YEATS2: variants seen among roughly 807,000 people sequenced by gnomAD.
The protein encoded by YEATS2 is YEATS domain containing 2.
Under a neutral mutation model 163.2 loss-of-function variants are expected in YEATS2, and 77 were observed. That is an observed-to-expected ratio of 0.47 (90% CI 0.39 to 0.57). The LOEUF is 0.57. YEATS2 is among the 20% of genes least tolerant of loss of function. YEATS2 has a pLI of 0.00. For synonymous variants in YEATS2, 631 were observed against 645.1 expected (o/e 0.98, Z 0.33); for missense variants, 1,549 against 1,729.8 (o/e 0.90, Z 1.85).
At chr3:183,740,772 C>G (rs548101517) in intron 8 of YEATS2, among the ~76,000 whole-genome samples, 1 of 152,198 alleles carries the variant, frequency 6.6e-6, no homozygotes, top group South Asian at 2.1e-4. Context: ...CAGCTAAGAT[C>G]ATTGATGAAG....
chr3:183,753,475 G>A (rs1162712880), intron 10 of YEATS2, among the ~76,000 whole-genome samples: 3 of 152,110 alleles, frequency 2.0e-5, no homozygotes, highest in South Asian at 4.1e-4. Context: ...GGCCGGGCAC[G>A]GTGGCTCATG....
intron 8 of YEATS2, among the ~76,000 whole-genome samples, chr3:183,742,212 CAAAAAAT>C (rs374825021): frequency 8.0e-4 from 121 of 150,678 alleles, no homozygotes; most frequent in African/African-American, 2.7e-3. Context: ...AGCCCCATGT[CAAAAAAT>C]AAAAAATAAA....
intron 21 of YEATS2, among the ~76,000 whole-genome samples, chr3:183,795,980 G>GTTTT (rs11287278): frequency 1.2e-5 from 1 of 80,436 alleles, no homozygotes. Flanking sequence ...TTGATGCTGG[G>GTTTT]TTTTTTTTTT....
At chr3:183,731,640 T>TA (rs1484365817) in intron 7 of YEATS2, among the ~76,000 whole-genome samples, 2 of 152,238 alleles carry the variant, frequency 1.3e-5, no homozygotes, top group African/African-American at 4.8e-5. Context: ...AGATATATTA[T>TA]AACAGTGAGA....
chr3:183,769,797 A>AT (rs1722269906), intron 15 of YEATS2, among the ~76,000 whole-genome samples: 1 of 152,030 alleles, frequency 6.6e-6, no homozygotes, highest in South Asian at 2.1e-4. Context: ...GGTTCAAGCG[A>AT]TTCTGCTGCC....
At position 183,773,676 on chromosome 3, in the gene YEATS2, G is replaced by A; in HGVS notation, c.2250G>A (p.Leu750=). The A allele has an allele frequency of 6.2e-7, 1 of 1,611,178 alleles. No individual in the cohort carries two copies. Among genetic ancestry groups the A allele is most frequent in the Non-Finnish European group, 8.5e-7 (1 of 1,179,098 alleles). Residue 750 remains leucine (L), a synonymous_variant, in exon 17 of 31, where the codon TTG becomes TTA. Transcript: ENST00000305135. The part of the protein sequence containing the change: ...LQLPATNLAN[L]ANLPPGTKLY... The stretch of plus-strand genomic sequence containing the variant: ...TACCAGCCACTAATTTGGCCAACTT[G>A]GCAAATTTGCCTCCTGGCACTAAAC...
Position 183,801,519 on chromosome 3 carries a change from A to G in YEATS2, c.3493A>G (p.Thr1165Ala). The part of the protein sequence containing the change: ...TAVVKKIPLI[T>A]AKSEDASCFS... ...AGTAGTAAAGAAGATTCCATTAATC[A>G]CTGCAAAAAGTAAGACAATTACACT... Residue 1165 changes from threonine to alanine, a missense_variant, in exon 25 of 31, where the codon ACT becomes GCT. Thr to Ala is a moderately conservative substitution (Grantham distance 58). Coordinates refer to ENST00000305135, the MANE Select transcript of YEATS2 (RefSeq NM_018023.5). 3.1e-6 allele frequency: 5 copies of G among 1,609,388 alleles called. No individual in the cohort carries two copies. The highest frequency in any genetic ancestry group is 4.2e-6 in the Non-Finnish European group (5 of 1,177,536).
At chr3:183,698,659 A>T (rs1469618691) in intron 1 of YEATS2, among the ~76,000 whole-genome samples, 2 of 152,212 alleles carry the variant, frequency 1.3e-5, no homozygotes, top group African/African-American at 4.8e-5. Flanking sequence ...TACAGGCCTG[A>T]CACATCATTT....
intron 29 of YEATS2, chr3:183,808,323 C>G: frequency 3.6e-6 from 2 of 550,396 alleles, no homozygotes; most frequent in Non-Finnish European, 6.4e-6. Context: ...TCAGGTGCCT[C>G]CTAAGACGTA....
At chr3:183,757,392 G>A (rs950260797) in intron 12 of YEATS2, among the ~76,000 whole-genome samples, 7 of 152,142 alleles carry the variant, frequency 4.6e-5, no homozygotes, top group Admixed American at 2.0e-4. Context: ...CTGGGTTTAA[G>A]CAATTCTCCT....
intron 6 of YEATS2, among the ~76,000 whole-genome samples, chr3:183,724,966 C>T (rs556764680): frequency 6.6e-6 from 1 of 151,298 alleles, no homozygotes; most frequent in Non-Finnish European, 1.5e-5. Context: ...TGGTCTTGAA[C>T]TCCCGACCTC....
At position 183,803,320 on chromosome 3, in the gene YEATS2, A is replaced by T. The variant is rs747566890; in HGVS notation, c.3567A>T (p.Lys1189Asn). ...AGTACTATGGCTGGAACATTGGAAA[A>T]AGGAGAGCCGCTGAGGTAACCCACA... ...VEQYYGWNIG[K>N]RRAAEWQRAM... The change falls in exon 26 of 31, where the codon AAA becomes AAT. Residue 1189 changes from lysine (K) to asparagine (N), a missense_variant. Transcript: ENST00000305135. 1.9e-6 allele frequency: 3 copies of T among 1,611,160 alleles called. No individual in the cohort carries two copies. The highest frequency in any genetic ancestry group is 2.5e-6 in the Non-Finnish European group (3 of 1,179,586).
chr3:183,791,061 T>C lies in YEATS2; in HGVS notation c.3097+81T>C, dbSNP rs1037662406. ...TTTTGTTTGTTTGTTTGAGATAGCG[T>C]CTCACTCTGTCGCCCAAGCTAGAGT... On this transcript the variant is annotated intron_variant, in intron 21 of 30. Transcript: ENST00000305135. 6 of 1,534,240 alleles carry C rather than the reference T, an allele frequency of 3.9e-6. No individual in the cohort carries two copies. In the African/African-American group the frequency reaches 8.2e-5, roughly 21 times the overall value.
chr3:183,756,714 C>T, intron 12 of YEATS2, 25 bp downstream of exon 12: 2 of 1,431,874 alleles, frequency 1.4e-6, no homozygotes, highest in South Asian at 1.7e-5. Context: ...CATATTTGTA[C>T]CATCTAAAGG....
At chr3:183,702,253 T>C (rs1714174897) in intron 1 of YEATS2, among the ~76,000 whole-genome samples, 1 of 152,026 alleles carries the variant, frequency 6.6e-6, no homozygotes, top group Non-Finnish European at 1.5e-5. Flanking sequence ...GAGACCAGCC[T>C]GGCCAACATG....
intron 27 of YEATS2, among the ~76,000 whole-genome samples, chr3:183,805,787 C>CA (rs939279038): frequency 1.5e-4 from 23 of 148,726 alleles, no homozygotes; most frequent in African/African-American, 1.7e-4. Flanking sequence ...AAACCCTGTC[C>CA]AAAAAAAAAA....
intron 8 of YEATS2, among the ~76,000 whole-genome samples, chr3:183,737,160 A>C (rs949012770): frequency 1.3e-5 from 2 of 152,176 alleles, no homozygotes; most frequent in African/African-American, 4.8e-5. Flanking sequence ...GGATCATCCT[A>C]AAGATCTTTA....
At chr3:183,793,177 TAC>T (rs796990400) in intron 21 of YEATS2, 71 of 1,286,438 alleles carry the variant, frequency 5.5e-5, no homozygotes, top group South Asian at 2.0e-4. Context: ...ATCACCGAGA[TAC>T]ACACACACAC....
Position 183,790,733 on chromosome 3 carries a change from C to T in YEATS2, c.2914-64C>T, listed in dbSNP as rs865921323. ...AGTGTGTGTGCTGTGTGGCCGTCACCGCCGTCAGTCATCACTCTGCTTTCT... is the reference window on the plus strand; with the variant it reads ...AGTGTGTGTGCTGTGTGGCCGTCACTGCCGTCAGTCATCACTCTGCTTTCT... On this transcript the variant is annotated intron_variant, in intron 20 of 30. Transcript: ENST00000305135. 1.1e-4 allele frequency: 178 copies of T among 1,564,166 alleles called. No individual in the cohort carries two copies. The Middle Eastern group carries it at 3.4e-3, about 30-fold the overall frequency.
Sources: gnomAD v4.1 joint callset for allele counts (sites outside exome capture counted in the v4.1 genomes callset) on GRCh38, gnomAD v4.1.1 for gene constraint, MANE v1.5 for transcripts, NCBI Gene and HGNC (gene_info 2026-07-23, HGNC 2026-07-21) for gene names.